Variants in HAAO observed in about 807,000 individuals in gnomAD.
The protein encoded by HAAO is 3-hydroxyanthranilate oxygenase.
Under a neutral mutation model 46.2 loss-of-function variants are expected in HAAO, and 49 were observed. The ratio of observed to expected loss-of-function variants is 1.06; its 90% confidence interval spans 0.84 to 1.34. The LOEUF (loss-of-function observed/expected upper bound fraction) is 1.34, where lower values mean the gene tolerates loss of function less well. Among genes scored for constraint, HAAO ranks in the 40% most tolerant of loss-of-function variants. The pLI is 0.00. For synonymous variants in HAAO, 157 were observed against 145.2 expected (o/e 1.08, Z -0.58); for missense variants, 408 against 364.5 (o/e 1.12, Z -0.97).
intron 4 of HAAO, among the ~76,000 whole-genome samples, chr2:42,771,102 C>T (rs1008681877): frequency 2.0e-5 from 3 of 152,122 alleles, no homozygotes; most frequent in Admixed American, 1.3e-4. Flanking sequence ...CATGGCCGGG[C>T]GCAGTGGCTC....
chr2:42,786,688 C>T (rs1672408794), intron 2 of HAAO, among the ~76,000 whole-genome samples: 1 of 152,142 alleles, frequency 6.6e-6, no homozygotes, highest in East Asian at 1.9e-4. Flanking sequence ...CCTCTGGCCC[C>T]CCTGCACCTG....
At chr2:42,784,674 A>G (rs1672265646) in intron 2 of HAAO, among the ~76,000 whole-genome samples, 1 of 152,184 alleles carries the variant, frequency 6.6e-6, no homozygotes, top group South Asian at 2.1e-4. Flanking sequence ...CCTGGGTGTT[A>G]AAAGCCCCAG....
At position 42,783,423 on chromosome 2, in the gene HAAO, G is replaced by A. The variant is rs2104662818; in HGVS notation, c.244-3C>T. On this transcript the variant is annotated splice_region_variant and splice_polypyrimidine_tract_variant and intron_variant, in intron 3 of 9. Coordinates refer to ENST00000294973, the MANE Select transcript of HAAO (RefSeq NM_012205.3). ...ACCCTGGCAGGCAGGAGGAATATCTGCAGTGGTAGAGATAAGGTGCACAGT... is the reference window on the plus strand; with the variant it reads ...ACCCTGGCAGGCAGGAGGAATATCTACAGTGGTAGAGATAAGGTGCACAGT... The A allele has an allele frequency of 6.3e-7, 1 of 1,575,622 alleles. No individual in the cohort carries two copies. The highest frequency in any genetic ancestry group is 8.7e-7 in the Non-Finnish European group (1 of 1,146,282).
At chr2:42,792,329 A>C in intron 1 of HAAO, 128 bp downstream of exon 1, 1 of 527,622 alleles carries the variant, frequency 1.9e-6, no homozygotes, top group East Asian at 3.3e-5. Flanking sequence ...TCCCCCAAGA[A>C]CCAAGAGATT....
At chr2:42,791,965 C>T (rs1049712453) in intron 1 of HAAO, among the ~76,000 whole-genome samples, 3 of 151,270 alleles carry the variant, frequency 2.0e-5, no homozygotes, top group African/African-American at 7.3e-5. Flanking sequence ...CATAGAGGGG[C>T]CCTGAAAAAA....
At chr2:42,786,414 A>C (rs1672387378) in intron 2 of HAAO, among the ~76,000 whole-genome samples, 1 of 152,210 alleles carries the variant, frequency 6.6e-6, no homozygotes, top group Non-Finnish European at 1.5e-5. Flanking sequence ...GATAATGAAT[A>C]GAATCTGGCT....
intron 5 of HAAO, 120 bp from the exon 6 acceptor site, chr2:42,770,306 T>G (rs2104638746): frequency 1.1e-6 from 1 of 919,608 alleles, no homozygotes; most frequent in Non-Finnish European, 1.7e-6. Flanking sequence ...CATGGGGCTC[T>G]CACACAGCTG....
At chr2:42,778,565 T>C (rs1035580740) in intron 4 of HAAO, among the ~76,000 whole-genome samples, 2 of 152,138 alleles carry the variant, frequency 1.3e-5, no homozygotes, top group African/African-American at 4.8e-5. Flanking sequence ...TCTGACCTCA[T>C]GATTTGCCTG....
chr2:42,773,581 C>T (rs1220592441), intron 4 of HAAO, among the ~76,000 whole-genome samples: 1 of 148,740 alleles, frequency 6.7e-6, no homozygotes, highest in Non-Finnish European at 1.5e-5. Context: ...AACCTACCCC[C>T]TATTTTTTTT....
At chr2:42,779,521 C>G (rs1389674270) in intron 4 of HAAO, among the ~76,000 whole-genome samples, 1 of 152,120 alleles carries the variant, frequency 6.6e-6, no homozygotes, top group East Asian at 1.9e-4. Context: ...GGGGTTTCAC[C>G]ATGTTGGTCA....
chr2:42,772,771 C>T (rs139307484), intron 4 of HAAO, among the ~76,000 whole-genome samples: 167 of 152,104 alleles, frequency 1.1e-3, no homozygotes, highest in African/African-American at 3.8e-3. Context: ...AAAAACAACA[C>T]GTATTTTAAA....
At chr2:42,783,922 G>A (rs1672203765) in intron 2 of HAAO, 55 bp from the exon 3 acceptor site, 8 of 1,567,844 alleles carry the variant, frequency 5.1e-6, no homozygotes, top group Non-Finnish European at 6.9e-6. Flanking sequence ...CAGGTCCTTG[G>A]CCACTGCCCA....
intron 7 of HAAO, among the ~76,000 whole-genome samples, chr2:42,768,192 T>C (rs1015231251): frequency 6.6e-6 from 1 of 152,228 alleles, no homozygotes; most frequent in Non-Finnish European, 1.5e-5. Flanking sequence ...CCCTCTGATG[T>C]GTGCTCATGC....
At chr2:42,786,357 T>C (rs1672384033) in intron 2 of HAAO, among the ~76,000 whole-genome samples, 1 of 152,016 alleles carries the variant, frequency 6.6e-6, no homozygotes, top group Admixed American at 6.6e-5. Context: ...TAAATGATGT[T>C]TGGGAGCCTG....
chr2:42,787,961 G>A (rs890558582), intron 2 of HAAO, among the ~76,000 whole-genome samples: 2 of 152,028 alleles, frequency 1.3e-5, no homozygotes, highest in Admixed American at 6.6e-5. Context: ...CACAAGCCAC[G>A]AATGGGTTTT....
chr2:42,781,602 G>T (rs1378695530), intron 4 of HAAO, among the ~76,000 whole-genome samples: 1 of 152,238 alleles, frequency 6.6e-6, no homozygotes, highest in Non-Finnish European at 1.5e-5. Flanking sequence ...GCCAGGTGTG[G>T]TGGCTCATGC....
intron 2 of HAAO, among the ~76,000 whole-genome samples, chr2:42,786,007 CTCTG>C (rs1672354998): frequency 1.1e-4 from 13 of 118,728 alleles, no homozygotes; most frequent in Admixed American, 1.0e-3. Context: ...GGGAGGAAGC[CTCTG>C]TGTGTGTGTG....
In HAAO at chr2:42,782,267, C is replaced by T. The variant is rs186955442; in HGVS notation, c.350+1047G>A. On this transcript the variant is annotated intron_variant, in intron 4 of 9. Transcript: ENST00000294973. ...AAATGTCAGCAACCAATTTACGTACCTAAGCCACTTTCATACTTGCCTACT... is the reference window on the plus strand; with the variant it reads ...AAATGTCAGCAACCAATTTACGTACTTAAGCCACTTTCATACTTGCCTACT... Among the ~76,000 whole-genome samples, 245 of 152,294 alleles carry T rather than the reference C, an allele frequency of 1.6e-3. 2 individuals are homozygous for T. In the South Asian group the frequency reaches 0.024, roughly 15 times the overall value.
At chr2:42,783,913 A>C in intron 2 of HAAO, 46 bp from the exon 3 acceptor site, 1 of 1,574,600 alleles carries the variant, frequency 6.4e-7, no homozygotes, top group Non-Finnish European at 8.6e-7. Context: ...TTTCTCTTCC[A>C]GGTCCTTGGC....
Sources: allele counts gnomAD v4.1 joint callset (sites outside exome capture counted in the v4.1 genomes callset), GRCh38; gene constraint gnomAD v4.1.1; transcripts MANE v1.5; gene names NCBI Gene and HGNC (gene_info 2026-07-23, HGNC 2026-07-21).